ZNF365: variants seen among roughly 807,000 people sequenced by gnomAD.
ZNF365 encodes the protein zinc finger protein 365.
In ZNF365, 22 loss-of-function variants were observed where a neutral mutation model predicts 35.0. That is an observed-to-expected ratio of 0.63 (90% CI 0.45 to 0.90). ZNF365 has a LOEUF of 0.90. ZNF365 is among the 40% of genes least tolerant of loss of function. The probability of loss-of-function intolerance (pLI) is 0.00; values close to 1 mark genes in which losing one functional copy is unlikely to be tolerated. For missense variants in ZNF365, 448 were observed against 500.3 expected, an observed-to-expected ratio of 0.90 and a Z score of 1.00; for synonymous variants, 188 against 196.2, an observed-to-expected ratio of 0.96 and a Z score of 0.35.
chr10:62,471,967 G>A (rs1841046902), intron 4 of ZNF365, among the ~76,000 whole-genome samples: 2 of 152,222 alleles, frequency 1.3e-5, no homozygotes, highest in African/African-American at 4.8e-5. Flanking sequence ...AGTAGCATAA[G>A]AATGGAAATT....
At chr10:62,479,025 T>C (rs557263894) in intron 4 of ZNF365, among the ~76,000 whole-genome samples, 1 of 152,388 alleles carries the variant, frequency 6.6e-6, no homozygotes, top group East Asian at 1.9e-4. Context: ...TCTCTAGACA[T>C]GTTTAATTTC....
At chr10:62,427,619 C>T (rs1201697567) in intron 3 of ZNF365, among the ~76,000 whole-genome samples, 5 of 152,180 alleles carry the variant, frequency 3.3e-5, no homozygotes, top group Non-Finnish European at 7.3e-5. Flanking sequence ...AAATATACCC[C>T]TTAACACTTG....
At chr10:62,386,842 T>A (rs1460583436) in intron 2 of ZNF365, among the ~76,000 whole-genome samples, 2 of 152,000 alleles carry the variant, frequency 1.3e-5, no homozygotes, top group Non-Finnish European at 2.9e-5. Context: ...GTTGAGAAGA[T>A]GTAGAGAAGC....
chr10:62,377,308 A>G (rs1873688), intron 2 of ZNF365, among the ~76,000 whole-genome samples: 1 of 152,310 alleles, frequency 6.6e-6, no homozygotes, highest in African/African-American at 2.4e-5. Flanking sequence ...TGAGCTGTTC[A>G]TTCTTGACAG....
intron 4 of ZNF365, among the ~76,000 whole-genome samples, chr10:62,477,286 A>G (rs1841148087): frequency 6.6e-6 from 1 of 152,236 alleles, no homozygotes; most frequent in Non-Finnish European, 1.5e-5. Flanking sequence ...GACATCTTAG[A>G]GGTATCCTGG....
intron 3 of ZNF365, among the ~76,000 whole-genome samples, chr10:62,427,774 C>G (rs1467615473): frequency 1.3e-5 from 2 of 152,256 alleles, no homozygotes; most frequent in East Asian, 3.9e-4. Context: ...GCTGCTATCC[C>G]TGTGTTAACA....
chr10:62,415,745 AT>A (rs1840063811), intron 3 of ZNF365, among the ~76,000 whole-genome samples: 1 of 152,230 alleles, frequency 6.6e-6, no homozygotes, highest in South Asian at 2.1e-4. Context: ...CTCATCTTCA[AT>A]TCTCTACAGA....
At chr10:62,380,791 G>C (rs1839424974) in intron 2 of ZNF365, among the ~76,000 whole-genome samples, 1 of 152,184 alleles carries the variant, frequency 6.6e-6, no homozygotes, top group Non-Finnish European at 1.5e-5. Context: ...ATCAATCCTG[G>C]AAACCTTGCT....
chr10:62,378,419 G>A (rs550718083), intron 2 of ZNF365, among the ~76,000 whole-genome samples: 2 of 152,290 alleles, frequency 1.3e-5, no homozygotes, highest in Admixed American at 6.5e-5. Flanking sequence ...TGGGGTAGTA[G>A]TTGCCTGGAG....
chr10:62,470,952 C>T (rs1235513810), intron 4 of ZNF365, among the ~76,000 whole-genome samples: 3 of 149,356 alleles, frequency 2.0e-5, no homozygotes, highest in Admixed American at 6.7e-5. Context: ...TCTTATATAC[C>T]TTCATCAGTT....
In ZNF365 at chr10:62,416,258, G is replaced by A. The variant is rs188357695; in HGVS notation, c.924+27682G>A. ...AAAATATTACCAGAAAAAAAAAAAC[G>A]ATGAAACTAAAACTCAGCATAAGCT... On this transcript the variant is annotated intron_variant, in intron 3 of 4. Transcript: ENST00000395255. Among the ~76,000 whole-genome samples, 172 of 150,976 alleles carry A rather than the reference G, an allele frequency of 1.1e-3. No homozygotes were observed. In the Middle Eastern group the frequency reaches 0.025, roughly 22 times the overall value.
At chr10:62,463,599 G>A (rs1001083082) in intron 4 of ZNF365, among the ~76,000 whole-genome samples, 1 of 152,200 alleles carries the variant, frequency 6.6e-6, no homozygotes, top group African/African-American at 2.4e-5. Flanking sequence ...AATCAATGCA[G>A]TGCCTTTAGA....
chr10:62,436,043 T>A (rs900663454), intron 3 of ZNF365, among the ~76,000 whole-genome samples: 1 of 152,218 alleles, frequency 6.6e-6, no homozygotes, highest in Non-Finnish European at 1.5e-5. Flanking sequence ...TGGTTTTTTT[T>A]GTAATACCGT....
chr10:62,455,158 G>A (rs921838037), intron 3 of ZNF365, among the ~76,000 whole-genome samples: 2 of 152,192 alleles, frequency 1.3e-5, no homozygotes, highest in Non-Finnish European at 2.9e-5. Context: ...TTAAGCAGGG[G>A]AGTGTTATAA....
intron 3 of ZNF365, among the ~76,000 whole-genome samples, chr10:62,451,663 C>T (rs1250813850): frequency 6.6e-6 from 1 of 152,170 alleles, no homozygotes; most frequent in Non-Finnish European, 1.5e-5. Flanking sequence ...CATGCAGGGG[C>T]TTGGCTACAG....
chr10:62,420,973 GT>G (rs34084544), intron 3 of ZNF365, among the ~76,000 whole-genome samples: 8,678 of 140,094 alleles, frequency 0.062, 761 homozygotes, highest in African/African-American at 0.2. Context: ...TGTAGAGATG[GT>G]TTTTTTTTTT....
intron 3 of ZNF365, among the ~76,000 whole-genome samples, chr10:62,396,920 A>T (rs1436976737): frequency 6.6e-6 from 1 of 152,222 alleles, no homozygotes; most frequent in Non-Finnish European, 1.5e-5. Context: ...AAAAGATTTA[A>T]AGGAAGAAAA....
chr10:62,440,206 G>T (rs1272820706), intron 3 of ZNF365, among the ~76,000 whole-genome samples: 1 of 129,364 alleles, frequency 7.7e-6, no homozygotes, highest in African/African-American at 2.7e-5. Context: ...ATTTATTTTT[G>T]TATCTCCTCT....
intron 3 of ZNF365, among the ~76,000 whole-genome samples, chr10:62,414,650 C>G (rs1840044465): frequency 6.6e-6 from 1 of 152,174 alleles, no homozygotes; most frequent in Non-Finnish European, 1.5e-5. Flanking sequence ...TTCTGCTACA[C>G]ACCCAAATTC....
Sources: gnomAD v4.1 joint callset for allele counts (sites outside exome capture counted in the v4.1 genomes callset) on GRCh38, gnomAD v4.1.1 for gene constraint, MANE v1.5 for transcripts, NCBI Gene and HGNC (gene_info 2026-07-23, HGNC 2026-07-21) for gene names.